The following EML6 variants were observed in gnomAD, a reference collection of about 807,000 sequenced individuals.
EML6 encodes the protein echinoderm microtubule-associated protein-like 6.
A neutral mutation model predicts 240.1 loss-of-function variants in EML6; 154 were observed. The ratio of observed to expected loss-of-function variants is 0.64; its 90% CI spans 0.56 to 0.73. The LOEUF (loss-of-function observed/expected upper bound fraction) is 0.73. Among genes scored for constraint, EML6 ranks in the 30% least tolerant of loss-of-function variants. The pLI is 0.00. For synonymous variants in EML6, 1,148 were observed against 899.0 expected (o/e 1.28, Z -4.95); for missense variants, 2,964 against 2,474.6 (o/e 1.20, Z -4.20).
intron 2 of EML6, among the ~76,000 whole-genome samples, chr2:54,767,597 A>AGTGTGTGTGTGTGTGTGTGTGTGT (rs111232633): frequency 6.9e-6 from 1 of 145,510 alleles, no homozygotes; most frequent in African/African-American, 2.6e-5. Context: ...TGGTATGAAG[A>AGTGTGTGTGTGTGTGTGTGTGTGT]GTGTGTGTGT....
intron 22 of EML6, among the ~76,000 whole-genome samples, chr2:54,901,822 A>G (rs902624832): frequency 8.5e-5 from 13 of 152,174 alleles, no homozygotes; most frequent in African/African-American, 3.1e-4. Context: ...TGTGCTTACA[A>G]CGCTCGACAA....
chr2:54,953,917 C>T, intron 31 of EML6, 66 bp from the exon 32 acceptor site: 3 of 1,035,238 alleles, frequency 2.9e-6, no homozygotes, highest in Non-Finnish European at 4.1e-6. Flanking sequence ...TTTACATGAA[C>T]ATAAGCATCG....
intron 24 of EML6, among the ~76,000 whole-genome samples, chr2:54,906,113 A>C (rs1673316571): frequency 6.6e-6 from 1 of 152,224 alleles, no homozygotes; most frequent in Non-Finnish European, 1.5e-5. Context: ...ACTGTTTTCC[A>C]TAGCAGCTCT....
chr2:54,772,480 G>A (rs937543930), intron 2 of EML6, among the ~76,000 whole-genome samples: 3 of 152,108 alleles, frequency 2.0e-5, no homozygotes, highest in Non-Finnish European at 4.4e-5. Flanking sequence ...GAATTAATTC[G>A]ATTTTTACTA....
At chr2:54,910,428 TC>T (rs1673578307) in intron 24 of EML6, among the ~76,000 whole-genome samples, 1 of 152,244 alleles carries the variant, frequency 6.6e-6, no homozygotes, top group Non-Finnish European at 1.5e-5. Flanking sequence ...TTTCAAATGT[TC>T]AAGTAAGACC....
intron 19 of EML6, among the ~76,000 whole-genome samples, chr2:54,894,326 T>C (rs955158481): frequency 1.3e-5 from 2 of 152,214 alleles, no homozygotes; most frequent in African/African-American, 2.4e-5. Flanking sequence ...GTAAAAAATA[T>C]CCAATATGTT....
intron 12 of EML6, among the ~76,000 whole-genome samples, chr2:54,863,396 T>C (rs1364814392): frequency 1.3e-5 from 2 of 152,144 alleles, no homozygotes; most frequent in African/African-American, 4.8e-5. Context: ...GGTACGCATC[T>C]CTGTAGTCCC....
intron 16 of EML6, among the ~76,000 whole-genome samples, chr2:54,872,972 A>G (rs1671332544): frequency 6.6e-6 from 1 of 152,210 alleles, no homozygotes; most frequent in East Asian, 1.9e-4. Flanking sequence ...TTTCACACAC[A>G]GTAAACTACT....
At chr2:54,866,671 G>T in intron 13 of EML6, 95 bp from the exon 14 acceptor site, 2 of 591,804 alleles carry the variant, frequency 3.4e-6, no homozygotes, top group Non-Finnish European at 5.9e-6. Context: ...ACATTTTATT[G>T]AAGCAATTAA....
chr2:54,946,164 G>A (rs980460969), intron 28 of EML6, among the ~76,000 whole-genome samples: 5 of 152,076 alleles, frequency 3.3e-5, no homozygotes, highest in Non-Finnish European at 5.9e-5. Context: ...TAAATTTCTT[G>A]CCAATGGAAG....
At chr2:54,944,613 G>A (rs1675587712) in intron 28 of EML6, among the ~76,000 whole-genome samples, 1 of 152,072 alleles carries the variant, frequency 6.6e-6, no homozygotes, top group Non-Finnish European at 1.5e-5. Context: ...AAATAGCCAA[G>A]TCTAAGACGA....
intron 5 of EML6, among the ~76,000 whole-genome samples, chr2:54,824,336 T>C (rs1668484840): frequency 6.6e-6 from 1 of 152,172 alleles, no homozygotes; most frequent in Non-Finnish European, 1.5e-5. Context: ...CATTTTTACC[T>C]CAAAGAATCT....
chr2:54,843,919 T>A (rs1669604446), intron 7 of EML6, 128 bp from the exon 8 acceptor site: 1 of 700,590 alleles, frequency 1.4e-6, no homozygotes, highest in African/African-American at 1.8e-5. Flanking sequence ...TTAAGATGTG[T>A]CACATTTGAT....
intron 17 of EML6, among the ~76,000 whole-genome samples, chr2:54,887,438 A>G (rs1672208461): frequency 6.6e-6 from 1 of 152,112 alleles, no homozygotes; most frequent in Admixed American, 6.5e-5. Context: ...TTTGTCTATA[A>G]CTTGCTGATT....
chr2:54,777,026 C>A (rs1427725540), intron 2 of EML6, among the ~76,000 whole-genome samples: 1 of 152,130 alleles, frequency 6.6e-6, no homozygotes, highest in Non-Finnish European at 1.5e-5. Context: ...TCATTAGGGT[C>A]TCTTTTTATT....
chr2:54,755,713 T>A (rs1432381296), intron 2 of EML6, among the ~76,000 whole-genome samples: 1 of 152,132 alleles, frequency 6.6e-6, no homozygotes, highest in African/African-American at 2.4e-5. Flanking sequence ...CAGACTGGAG[T>A]GCAGTGGTGT....
intron 2 of EML6, among the ~76,000 whole-genome samples, chr2:54,764,465 C>T (rs369693035): frequency 2.0e-5 from 3 of 152,066 alleles, no homozygotes; most frequent in Admixed American, 6.5e-5. Flanking sequence ...CCTGGGGGCA[C>T]TCCACTTGTA....
chr2:54,899,870 G>T (rs952412926), intron 22 of EML6, 88 bp downstream of exon 22: 3 of 1,294,186 alleles, frequency 2.3e-6, no homozygotes, highest in Non-Finnish European at 3.2e-6. Context: ...ATTTACTGAG[G>T]GCACGTGTTA....
intron 5 of EML6, among the ~76,000 whole-genome samples, chr2:54,821,554 C>T (rs1668335107): frequency 6.6e-6 from 1 of 151,946 alleles, no homozygotes; most frequent in African/African-American, 2.4e-5. Context: ...CTAAATTAAT[C>T]CGGAAGCATT....
Sources: allele counts gnomAD v4.1 joint callset (sites outside exome capture counted in the v4.1 genomes callset), GRCh38; gene constraint gnomAD v4.1.1; transcripts MANE v1.5; gene names NCBI Gene and HGNC (gene_info 2026-07-23, HGNC 2026-07-21).